Variants in CAB39 observed in about 807,000 individuals in gnomAD.
The protein encoded by CAB39 is calcium binding protein 39, also known as calcium-binding protein 39.
Under a neutral mutation model 40.0 loss-of-function variants are expected in CAB39, and 8 were observed. The ratio of observed to expected loss-of-function variants is 0.20; its 90% CI spans 0.12 to 0.36. CAB39 has a LOEUF of 0.36. CAB39 is among the 10% of genes least tolerant of loss of function. The pLI is 1.00. For missense variants in CAB39, 270 were observed against 401.1 expected (o/e 0.67, Z 2.79); for synonymous variants, 156 against 141.6 (o/e 1.10, Z -0.72).
At chr2:230,737,726 C>A (rs1040723157) in intron 1 of CAB39, among the ~76,000 whole-genome samples, 1 of 152,176 alleles carries the variant, frequency 6.6e-6, no homozygotes, top group African/African-American at 2.4e-5. Flanking sequence ...TGTACCTCTT[C>A]CTGAATGGTT....
At chr2:230,776,865 T>C (rs1414470119) in intron 2 of CAB39, among the ~76,000 whole-genome samples, 1 of 152,150 alleles carries the variant, frequency 6.6e-6, no homozygotes, top group Admixed American at 6.5e-5. Flanking sequence ...TTTTTTGTAT[T>C]TTTAGTTGAG....
chr2:230,761,608 C>G (rs1695292891), intron 2 of CAB39, among the ~76,000 whole-genome samples: 1 of 152,156 alleles, frequency 6.6e-6, no homozygotes, highest in African/African-American at 2.4e-5. Context: ...GAGTATACAA[C>G]TAATTATTCC....
intron 1 of CAB39, among the ~76,000 whole-genome samples, chr2:230,748,831 A>AAAATATATATATATATATATAT (rs1386799920): frequency 3.5e-5 from 1 of 28,500 alleles, no homozygotes; most frequent in Non-Finnish European, 6.3e-5. Context: ...AAAAAAAAAA[A>AAAATATATATATATATATATAT]ATATATATAT....
chr2:230,807,532 C>G (rs1696222586), intron 5 of CAB39, among the ~76,000 whole-genome samples: 1 of 150,166 alleles, frequency 6.7e-6, no homozygotes, highest in African/African-American at 2.4e-5. Flanking sequence ...ATCGCTCTTA[C>G]CCCAAAGCCA....
chr2:230,786,477 A>G (rs760030552), intron 2 of CAB39, among the ~76,000 whole-genome samples: 25 of 152,226 alleles, frequency 1.6e-4, no homozygotes, highest in Non-Finnish European at 3.1e-4. Flanking sequence ...ATGTGTAACC[A>G]TAACCACAGT....
chr2:230,793,941 C>T (rs1337492462), intron 4 of CAB39, among the ~76,000 whole-genome samples: 1 of 152,140 alleles, frequency 6.6e-6, no homozygotes, highest in Non-Finnish European at 1.5e-5. Context: ...GCCTGAAAAC[C>T]GAACCATAGA....
intron 5 of CAB39, among the ~76,000 whole-genome samples, chr2:230,803,169 A>G (rs1004048517): frequency 1.3e-5 from 2 of 152,250 alleles, no homozygotes; most frequent in Non-Finnish European, 2.9e-5. Flanking sequence ...TGATTATCTC[A>G]ATAGATGCAG....
intron 5 of CAB39, among the ~76,000 whole-genome samples, chr2:230,806,114 C>T (rs1308996219): frequency 6.6e-6 from 1 of 152,034 alleles, no homozygotes; most frequent in African/African-American, 2.4e-5. Flanking sequence ...ATAATAAATA[C>T]AAAATGAGAT....
intron 2 of CAB39, among the ~76,000 whole-genome samples, chr2:230,765,845 A>G (rs963919942): frequency 2.0e-5 from 3 of 152,194 alleles, no homozygotes; most frequent in Non-Finnish European, 4.4e-5. Context: ...CAATGCTGAG[A>G]TTGAGAACTC....
chr2:230,726,836 G>A (rs1187598691), intron 1 of CAB39, among the ~76,000 whole-genome samples: 1 of 151,302 alleles, frequency 6.6e-6, no homozygotes, highest in Admixed American at 6.6e-5. Flanking sequence ...GGAGGGGCGG[G>A]GAATGTTTTT....
chr2:230,751,643 GATGTTGCTTTGTACTCTTGAAA>G (rs1243931170), intron 1 of CAB39, among the ~76,000 whole-genome samples: 1 of 152,086 alleles, frequency 6.6e-6, no homozygotes, highest in Non-Finnish European at 1.5e-5. Context: ...ACTTTCTTGG[GATGTTGCTTTGTACTCTTGAAA>G]ATATTCTTGA....
At chr2:230,796,356 T>C (rs1412368529) in intron 4 of CAB39, among the ~76,000 whole-genome samples, 1 of 152,202 alleles carries the variant, frequency 6.6e-6, no homozygotes, top group African/African-American at 2.4e-5. Flanking sequence ...GATTTTTTTT[T>C]TACTGGCAAT....
intron 1 of CAB39, among the ~76,000 whole-genome samples, chr2:230,727,121 A>G (rs1052202677): frequency 2.0e-5 from 3 of 152,048 alleles, no homozygotes; most frequent in Admixed American, 2.0e-4. Flanking sequence ...GTCATGCACA[A>G]CTTTGGAAGA....
chr2:230,817,965 C>T (rs908975067), intron 8 of CAB39, 68 bp downstream of exon 8: 41 of 1,385,192 alleles, frequency 3.0e-5, no homozygotes, highest in Admixed American at 1.6e-4. Context: ...TCGCAAATAA[C>T]GGAAATTATT....
At chr2:230,797,335 T>G (rs575777245) in intron 4 of CAB39, among the ~76,000 whole-genome samples, 4 of 152,164 alleles carry the variant, frequency 2.6e-5, no homozygotes, top group South Asian at 2.1e-4. Context: ...TTAATTGAAA[T>G]TAAATAATAT....
chr2:230,790,472 A>C (rs1337400535), intron 2 of CAB39, among the ~76,000 whole-genome samples: 2 of 152,030 alleles, frequency 1.3e-5, no homozygotes, highest in African/African-American at 4.8e-5. Context: ...CCTCATCCCT[A>C]GCTCATGCCA....
chr2:230,723,094 A>G (rs919023020), intron 1 of CAB39, among the ~76,000 whole-genome samples: 3 of 152,180 alleles, frequency 2.0e-5, no homozygotes, highest in Non-Finnish European at 2.9e-5. Flanking sequence ...AAATATGTTC[A>G]TACCTGTAAC....
At chr2:230,744,312 G>A (rs1694935649) in intron 1 of CAB39, among the ~76,000 whole-genome samples, 1 of 150,296 alleles carries the variant, frequency 6.7e-6, no homozygotes, top group South Asian at 2.1e-4. Context: ...TCTTTTTTTG[G>A]AGACAAAGTC....
chr2:230,772,696 A>C (rs980351148), intron 2 of CAB39, among the ~76,000 whole-genome samples: 4 of 152,102 alleles, frequency 2.6e-5, no homozygotes, highest in South Asian at 2.1e-4. Context: ...CGTGTTAGCC[A>C]GGATGGTGTC....
Sources: gnomAD v4.1 joint callset for allele counts (sites outside exome capture counted in the v4.1 genomes callset) on GRCh38, gnomAD v4.1.1 for gene constraint, MANE v1.5 for transcripts, NCBI Gene and HGNC (gene_info 2026-07-23, HGNC 2026-07-21) for gene names.